The following LINGO2 variants were observed in gnomAD, a reference collection of about 807,000 sequenced individuals.
The protein encoded by LINGO2 is leucine-rich repeat and immunoglobulin-like domain-containing nogo receptor-interacting protein 2.
A neutral mutation model predicts 30.6 loss-of-function variants in LINGO2; 14 were observed. The ratio of observed to expected loss-of-function variants is 0.46; its 90% CI spans 0.30 to 0.72. LINGO2 has a LOEUF of 0.72. Ranked by LOEUF, LINGO2 falls within the 30% of genes least tolerant of loss-of-function variation. The pLI is 0.07. For missense variants in LINGO2, 729 were observed against 751.7 expected, an observed-to-expected ratio of 0.97 and a Z score of 0.35; for synonymous variants, 317 against 288.5, an observed-to-expected ratio of 1.10 and a Z score of -1.00.
chr9:28,526,962 G>A (rs1368403095), intron 1 of LINGO2, among the ~76,000 whole-genome samples: 2 of 152,112 alleles, frequency 1.3e-5, no homozygotes, highest in Admixed American at 1.3e-4. Flanking sequence ...TTTAAAGAAT[G>A]AGCCATCTTT....
intron 3 of LINGO2, among the ~76,000 whole-genome samples, chr9:28,309,186 T>C (rs933279556): frequency 6.6e-6 from 1 of 152,112 alleles, no homozygotes; most frequent in Non-Finnish European, 1.5e-5. Context: ...GCAACCCAAA[T>C]GTCCAACGAA....
At chr9:28,348,976 A>T (rs1435610487) in intron 3 of LINGO2, among the ~76,000 whole-genome samples, 4 of 150,750 alleles carry the variant, frequency 2.7e-5, no homozygotes, top group Non-Finnish European at 4.5e-5. Flanking sequence ...CAGAAAGGAC[A>T]TCCACACCAA....
intron 4 of LINGO2, among the ~76,000 whole-genome samples, chr9:28,120,422 A>G (rs2133394338): frequency 6.6e-6 from 1 of 152,306 alleles, no homozygotes; most frequent in Middle Eastern, 3.4e-3. Context: ...TATTGTTGCC[A>G]GGGAAACTGG....
chr9:28,908,511 G>A, the LINGO2 span, among the ~76,000 whole-genome samples: 1 of 151,946 alleles, frequency 6.6e-6, no homozygotes, highest in East Asian at 1.9e-4. Context: ...AATTCAGGAA[G>A]TCACTTGTGT....
chr9:28,888,215 T>C, the LINGO2 span, among the ~76,000 whole-genome samples: 2 of 152,208 alleles, frequency 1.3e-5, no homozygotes, highest in Middle Eastern at 3.4e-3. Context: ...CCTTCAGTAA[T>C]TGAATTTGTC....
the LINGO2 span, among the ~76,000 whole-genome samples, chr9:28,840,342 G>A: frequency 6.6e-6 from 1 of 151,926 alleles, no homozygotes; most frequent in Non-Finnish European, 1.5e-5. Context: ...AGCTGCTCCA[G>A]TTGGGCCACT....
the LINGO2 span, among the ~76,000 whole-genome samples, chr9:29,121,831 T>G: frequency 6.6e-6 from 1 of 152,104 alleles, no homozygotes; most frequent in Admixed American, 6.6e-5. Flanking sequence ...TAATTTTTCC[T>G]TTGTGGAAAC....
At chr9:28,090,456 C>A (rs1384093759) in intron 4 of LINGO2, among the ~76,000 whole-genome samples, 2 of 151,962 alleles carry the variant, frequency 1.3e-5, no homozygotes, top group African/African-American at 2.4e-5. Context: ...GAACCAAAGA[C>A]AAAAAACCAC....
chr9:28,507,234 TGTGC>T (rs1027106935), intron 1 of LINGO2, among the ~76,000 whole-genome samples: 40 of 121,244 alleles, frequency 3.3e-4, no homozygotes, highest in African/African-American at 8.5e-4. Context: ...TGTGTGTGTG[TGTGC>T]GTGCGTGCGC....
intron 2 of LINGO2, among the ~76,000 whole-genome samples, chr9:28,413,162 A>G (rs1822837215): frequency 6.6e-6 from 1 of 152,112 alleles, no homozygotes; most frequent in South Asian, 2.1e-4. Context: ...GTGGGCTATT[A>G]GTAGTTAAGT....
chr9:28,019,109 C>T (rs1822985693), intron 4 of LINGO2, among the ~76,000 whole-genome samples: 2 of 152,032 alleles, frequency 1.3e-5, no homozygotes, highest in Non-Finnish European at 2.9e-5. Context: ...GAAAAACAGA[C>T]ACTGAGGCCT....
chr9:28,054,240 G>A (rs966300634), intron 4 of LINGO2, among the ~76,000 whole-genome samples: 1 of 152,034 alleles, frequency 6.6e-6, no homozygotes, highest in African/African-American at 2.4e-5. Flanking sequence ...CAAAGACCTG[G>A]GAGCCCTTCT....
intron 1 of LINGO2, among the ~76,000 whole-genome samples, chr9:28,534,354 A>C (rs1821346033): frequency 6.6e-6 from 1 of 152,132 alleles, no homozygotes; most frequent in Admixed American, 6.6e-5. Flanking sequence ...TAGATGGTTG[A>C]CTACCTAAAT....
At chr9:28,915,393 T>C in the LINGO2 span, among the ~76,000 whole-genome samples, 4 of 152,102 alleles carry the variant, frequency 2.6e-5, no homozygotes, top group African/African-American at 9.7e-5. Context: ...TTCTGAATCA[T>C]AGGTCTGGGG....
the LINGO2 span, among the ~76,000 whole-genome samples, chr9:28,755,383 T>C: frequency 1.3e-5 from 2 of 152,078 alleles, no homozygotes; most frequent in South Asian, 4.1e-4. Context: ...TGGGTCTTAG[T>C]GGCTCCATCT....
intron 3 of LINGO2, among the ~76,000 whole-genome samples, chr9:28,357,318 C>T (rs1175082057): frequency 7.4e-6 from 1 of 135,338 alleles, no homozygotes; most frequent in Non-Finnish European, 1.6e-5. Flanking sequence ...AAATAAAGCC[C>T]ACCCCCCCCA....
chr9:29,049,807 T>C, the LINGO2 span, among the ~76,000 whole-genome samples: 1 of 152,146 alleles, frequency 6.6e-6, no homozygotes, highest in Non-Finnish European at 1.5e-5. Context: ...AGAAGAACAG[T>C]AGGGGCTGGA....
intron 2 of LINGO2, among the ~76,000 whole-genome samples, chr9:28,415,091 A>C (rs1370785598): frequency 6.6e-6 from 1 of 152,140 alleles, no homozygotes; most frequent in Non-Finnish European, 1.5e-5. Flanking sequence ...AAAAACAGAG[A>C]GCAGAAAAGG....
intron 4 of LINGO2, among the ~76,000 whole-genome samples, chr9:28,042,732 G>A (rs992589932): frequency 1.3e-5 from 2 of 151,964 alleles, no homozygotes; most frequent in African/African-American, 4.8e-5. Context: ...TTCATGTTCT[G>A]CAATCAATAT....
Sources: gnomAD v4.1 joint callset for allele counts (sites outside exome capture counted in the v4.1 genomes callset) on GRCh38, gnomAD v4.1.1 for gene constraint, MANE v1.5 for transcripts, NCBI Gene and HGNC (gene_info 2026-07-23, HGNC 2026-07-21) for gene names.